Variants in CSMD1 observed in about 807,000 individuals in gnomAD.
The protein encoded by CSMD1 is CUB and Sushi multiple domains 1.
Under a neutral mutation model 417.5 loss-of-function variants are expected in CSMD1, and 213 were observed. That is an observed-to-expected ratio of 0.51 (90% CI 0.46 to 0.57). The LOEUF is 0.57. CSMD1 is among the 20% of genes least tolerant of loss of function. CSMD1 has a pLI of 0.00. For missense variants in CSMD1, 6,923 were observed against 4,529.7 expected (o/e 1.53, Z -15.17); for synonymous variants, 2,862 against 1,736.8 (o/e 1.65, Z -16.11).
At chr8:4,388,219 T>A (rs563145351) in intron 3 of CSMD1, among the ~76,000 whole-genome samples, 1 of 152,134 alleles carries the variant, frequency 6.6e-6, no homozygotes, top group African/African-American at 2.4e-5. Flanking sequence ...TATTTGCACA[T>A]GCGTGTTTAC....
intron 5 of CSMD1, among the ~76,000 whole-genome samples, chr8:3,931,225 AATG>A (rs1810114969): frequency 6.6e-6 from 1 of 150,638 alleles, no homozygotes; most frequent in Admixed American, 6.6e-5. Flanking sequence ...AGGTTCGGAG[AATG>A]ATAATACATT....
intron 3 of CSMD1, among the ~76,000 whole-genome samples, chr8:4,080,326 G>T (rs117636369): frequency 2.0e-5 from 3 of 152,126 alleles, no homozygotes; most frequent in Non-Finnish European, 2.9e-5. Flanking sequence ...GATCTTACCC[G>T]TGAGTACTTC....
chr8:4,529,697 T>C (rs1177066327), intron 2 of CSMD1, among the ~76,000 whole-genome samples: 2 of 152,044 alleles, frequency 1.3e-5, no homozygotes, highest in Non-Finnish European at 2.9e-5. Flanking sequence ...GTATAATTCA[T>C]AGAATATGTG....
At chr8:4,668,642 G>C (rs1805105032) in intron 1 of CSMD1, among the ~76,000 whole-genome samples, 1 of 151,630 alleles carries the variant, frequency 6.6e-6, no homozygotes, top group African/African-American at 2.4e-5. Flanking sequence ...AGTAGAGATG[G>C]GGTTTCATCG....
At chr8:3,517,966 C>T (rs1797350996) in intron 10 of CSMD1, among the ~76,000 whole-genome samples, 1 of 152,076 alleles carries the variant, frequency 6.6e-6, no homozygotes, top group Admixed American at 6.5e-5. Flanking sequence ...AATTATTAAA[C>T]CTCATCAATA....
chr8:4,452,792 A>G (rs541107332), intron 2 of CSMD1, among the ~76,000 whole-genome samples: 16 of 152,188 alleles, frequency 1.1e-4, no homozygotes, highest in Non-Finnish European at 2.1e-4. Flanking sequence ...AGTTTATTGG[A>G]TTAATAACAA....
At position 4,984,118 on chromosome 8, in the gene CSMD1, A is replaced by T. The variant is rs1484962536; in HGVS notation, c.85+10214T>A. The stretch of plus-strand genomic sequence containing the variant: ...AAGAAAACAAGATACATGGCCAGTA[A>T]ATCAAAAACTGCTTTTCTTTCCACA... On this transcript the variant is annotated intron_variant, in intron 1 of 69. Transcript: ENST00000635120. 5.3e-5 allele frequency among the ~76,000 whole-genome samples: 8 copies of T among 152,350 alleles called. 1 individual carries two copies. The highest frequency in any genetic ancestry group is 5.2e-4 in the Admixed American group (8 of 15,308).
At chr8:4,140,612 G>A (rs1585403607) in intron 3 of CSMD1, among the ~76,000 whole-genome samples, 3 of 150,974 alleles carry the variant, frequency 2.0e-5, no homozygotes, top group African/African-American at 7.4e-5. Flanking sequence ...AGGCTGCAGT[G>A]AGCCATGATT....
intron 4 of CSMD1, among the ~76,000 whole-genome samples, chr8:4,016,130 T>C (rs1445786910): frequency 1.3e-5 from 2 of 152,178 alleles, no homozygotes; most frequent in Admixed American, 6.5e-5. Context: ...AAAGTTCATA[T>C]AAAACATTTT....
chr8:3,801,689 T>A (rs753838401), intron 5 of CSMD1, among the ~76,000 whole-genome samples: 38 of 152,272 alleles, frequency 2.5e-4, no homozygotes, highest in Non-Finnish European at 5.3e-4. Context: ...CATGGCAGCA[T>A]CATTCATAAT....
At chr8:4,597,821 G>T (rs1178684986) in intron 2 of CSMD1, among the ~76,000 whole-genome samples, 1 of 152,122 alleles carries the variant, frequency 6.6e-6, no homozygotes, top group Non-Finnish European at 1.5e-5. Flanking sequence ...CTAGAAAGAT[G>T]AGCCTGCTTG....
At chr8:4,357,895 TGTA>T (rs1446390258) in intron 3 of CSMD1, among the ~76,000 whole-genome samples, 4 of 152,100 alleles carry the variant, frequency 2.6e-5, no homozygotes, top group Non-Finnish European at 5.9e-5. Flanking sequence ...GACGTATAAT[TGTA>T]GTATTTATAA....
At chr8:3,966,603 T>C (rs552982937) in intron 5 of CSMD1, among the ~76,000 whole-genome samples, 38 of 152,234 alleles carry the variant, frequency 2.5e-4, no homozygotes, top group Admixed American at 4.6e-4. Context: ...TGGCATGCAC[T>C]ACTCATATTC....
chr8:3,474,483 G>A (rs1817294837), intron 11 of CSMD1, among the ~76,000 whole-genome samples: 2 of 151,466 alleles, frequency 1.3e-5, no homozygotes, highest in African/African-American at 2.4e-5. Context: ...CCAAAAATTT[G>A]GTAAACAGTA....
chr8:3,790,201 G>T (rs894425629), intron 5 of CSMD1, among the ~76,000 whole-genome samples: 1 of 152,168 alleles, frequency 6.6e-6, no homozygotes, highest in African/African-American at 2.4e-5. Flanking sequence ...TGCATCTAGT[G>T]AATCAGTGCT....
chr8:3,482,974 T>C (rs1369578358), intron 11 of CSMD1, among the ~76,000 whole-genome samples: 2 of 152,012 alleles, frequency 1.3e-5, no homozygotes, highest in African/African-American at 4.8e-5. Context: ...GGGAAGCAGA[T>C]AAAACAGTGC....
intron 10 of CSMD1, among the ~76,000 whole-genome samples, chr8:3,574,261 T>A (rs919796405): frequency 1.3e-5 from 2 of 152,180 alleles, no homozygotes; most frequent in Non-Finnish European, 2.9e-5. Flanking sequence ...CTTTTCTTGA[T>A]ATGGAGTCTT....
intron 3 of CSMD1, among the ~76,000 whole-genome samples, chr8:4,299,597 G>A (rs747551416): frequency 6.6e-5 from 10 of 152,062 alleles, no homozygotes; most frequent in African/African-American, 7.2e-5. Context: ...GCCCCATATT[G>A]GCCAATATTT....
chr8:4,849,420 G>T (rs1041090807), intron 1 of CSMD1, among the ~76,000 whole-genome samples: 1 of 151,664 alleles, frequency 6.6e-6, no homozygotes, highest in Non-Finnish European at 1.5e-5. Flanking sequence ...TTGTAAGTTT[G>T]CTATACCCTC....
Sources: allele counts gnomAD v4.1 joint callset (sites outside exome capture counted in the v4.1 genomes callset), GRCh38; gene constraint gnomAD v4.1.1; transcripts MANE v1.5; gene names NCBI Gene and HGNC (gene_info 2026-07-23, HGNC 2026-07-21).